The following TRIM42 variants were observed in gnomAD, a reference collection of about 807,000 sequenced individuals.
The protein encoded by TRIM42 is tripartite motif containing 42.
A neutral mutation model predicts 64.9 loss-of-function variants in TRIM42; 59 were observed. That is an observed-to-expected ratio of 0.91 (90% CI 0.74 to 1.13). The LOEUF (loss-of-function observed/expected upper bound fraction) is 1.13. Among genes scored for constraint, TRIM42 ranks in the 50% most tolerant of loss-of-function variants. The probability of loss-of-function intolerance (pLI) is 0.00; values close to 1 mark genes in which losing one functional copy is unlikely to be tolerated. For missense variants in TRIM42, 878 were observed against 929.5 expected (o/e 0.94, Z 0.72); for synonymous variants, 354 against 346.3 (o/e 1.02, Z -0.25).
rs1988635647 is a variant in TRIM42, at chr3:140,688,882, T to C, written c.1860+340T>C. Among the ~76,000 whole-genome samples, 4 of 152,232 alleles carry C rather than the reference T, an allele frequency of 2.6e-5. No homozygotes were observed. In the South Asian group the frequency reaches 8.3e-4, roughly 32 times the overall value. Reference sequence around the variant, plus strand: ...AAGACACTACTTGGCAGTGTAATGTTTCCCAAAGGAAAGCCTGTAATAGAG... The same window carrying C: ...AAGACACTACTTGGCAGTGTAATGTCTCCCAAAGGAAAGCCTGTAATAGAG... On this transcript the variant is annotated intron_variant, in intron 3 of 4. Transcript: ENST00000286349.
At position 140,678,470 on chromosome 3, in the gene TRIM42, A is replaced by G. The variant is rs933238114; in HGVS notation, c.241A>G (p.Thr81Ala). The G allele has an allele frequency of 1.2e-6, 2 of 1,614,070 alleles. No individual in the cohort carries two copies. The highest frequency in any genetic ancestry group is 1.7e-6 in the Non-Finnish European group (2 of 1,179,950). Reference sequence around the variant, plus strand: ...TGATCCCAACTGTAAGTGCTGCTGCACAGCCAGCAGCAATCTCAACTGCTA... The same window carrying G: ...TGATCCCAACTGTAAGTGCTGCTGCGCAGCCAGCAGCAATCTCAACTGCTA... ...ANDPNCKCCC[T>A]ASSNLNCYYY... is the part of the protein sequence containing the mutation. The change falls in exon 1 of 5, where the codon ACA becomes GCA. Residue 81 changes from threonine (T) to alanine (A), a missense_variant. Thr to Ala is a moderately conservative substitution (Grantham distance 58, BLOSUM62 0). Coordinates refer to ENST00000286349, the MANE Select transcript of TRIM42 (RefSeq NM_152616.5).
In TRIM42 at chr3:140,682,719, G is replaced by A. The variant is rs560540726; in HGVS notation, c.599G>A (p.Ser200Asn). Residue 200 changes from serine to asparagine, a missense_variant, in exon 2 of 5, where the codon AGC (serine) becomes AAC (asparagine). By Grantham distance (46) the Ser-to-Asn change is conservative (BLOSUM62 1). Coordinates refer to ENST00000286349, the MANE Select transcript of TRIM42 (RefSeq NM_152616.5). ...VCDRSHCMPY[S>N]NKMQLPENYL... ...GACCGCTCGCACTGCATGCCCTACA[G>A]CAACAAGATGCAGCTGCCCGAGAAC... 6.2e-7 allele frequency: 1 copy of A among 1,612,640 alleles called. No individual in the cohort carries two copies. The highest frequency in any genetic ancestry group is 1.1e-5 in the South Asian group (1 of 91,076).
At chr3:140,698,928 T>TAGGC (rs1488128307) in intron 4 of TRIM42, among the ~76,000 whole-genome samples, 1 of 152,200 alleles carries the variant, frequency 6.6e-6, no homozygotes, top group East Asian at 1.9e-4. Context: ...GTGGCAGTGT[T>TAGGC]AGTAGATATC....
At chr3:140,691,294 C>T in intron 4 of TRIM42, 102 bp downstream of exon 4, 1 of 982,388 alleles carries the variant, frequency 1.0e-6, no homozygotes, top group Non-Finnish European at 1.6e-6. Context: ...CACTATGGGA[C>T]TCTTCCTCTA....
At chr3:140,695,978 C>T (rs1294066648) in intron 4 of TRIM42, among the ~76,000 whole-genome samples, 2 of 152,186 alleles carry the variant, frequency 1.3e-5, no homozygotes, top group Admixed American at 6.5e-5. Flanking sequence ...AAGCAGAACC[C>T]TGTTGGTCCT....
rs754793652 is a variant in TRIM42 at position 140,678,356 on chromosome 3, C to T, written c.127C>T (p.Pro43Ser). 1 of 1,614,176 alleles carries T rather than the reference C, an allele frequency of 6.2e-7. No homozygotes were observed. The highest frequency in any genetic ancestry group is 1.1e-5 in the South Asian group (1 of 91,086). ...GCGGAACTGCACCTGCTTCCCCTGC[C>T]CTTACAAAGATGAGCGGAACTGCCA... ...SERNCTCFPCPYKDERNCQFC... is the reference protein window; with the variant it reads ...SERNCTCFPCSYKDERNCQFC... The change falls in exon 1 of 5, where the codon CCT becomes TCT. Residue 43 changes from proline (P) to serine (S), a missense_variant. Physicochemically the swap from Pro to Ser is moderately conservative, Grantham distance 74. Transcript: ENST00000286349.
intron 4 of TRIM42, among the ~76,000 whole-genome samples, chr3:140,692,530 TACACACACAC>T (rs1553763786): frequency 9.2e-6 from 1 of 108,442 alleles, no homozygotes; most frequent in East Asian, 2.7e-4. Context: ...CACATACACA[TACACACACAC>T]ACACACACAC....
Position 140,678,192 on chromosome 3 carries a change from A to G in TRIM42, c.-38A>G, listed in dbSNP as rs1393746982. On this transcript the variant is annotated 5_prime_UTR_variant, in exon 1 of 5. Coordinates refer to ENST00000286349, the MANE Select transcript of TRIM42 (RefSeq NM_152616.5). The stretch of plus-strand genomic sequence containing the variant: ...GCAGTATTCTGGTAGAGGAGGCATC[A>G]AGAGTCCTGGGAGGCCGGTGGTAAT... 1.3e-6 allele frequency: 2 copies of G among 1,564,758 alleles called. No individual in the cohort carries two copies. Among genetic ancestry groups the G allele is most frequent in the East Asian group, 2.2e-5 (1 of 44,486 alleles).
intron 3 of TRIM42, among the ~76,000 whole-genome samples, 199 bp from the exon 4 acceptor site, chr3:140,690,769 T>C (rs911856589): frequency 6.6e-6 from 1 of 151,912 alleles, no homozygotes; most frequent in Non-Finnish European, 1.5e-5. Context: ...TTTGTGAAAC[T>C]CATTACAACC....
At chr3:140,686,671 T>TC (rs1439196026) in intron 2 of TRIM42, among the ~76,000 whole-genome samples, 1 of 152,118 alleles carries the variant, frequency 6.6e-6, no homozygotes, top group African/African-American at 2.4e-5. Context: ...TAGCTAGTCA[T>TC]CCCCACTCCT....
At chr3:140,700,641 C>T (rs1988975917) in intron 4 of TRIM42, among the ~76,000 whole-genome samples, 1 of 152,210 alleles carries the variant, frequency 6.6e-6, no homozygotes, top group African/African-American at 2.4e-5. Flanking sequence ...ACATGAGCTA[C>T]CCTAAAGGGA....
chr3:140,683,168 C>G lies in TRIM42; in HGVS notation c.1039+9C>G. The G allele has an allele frequency of 1.2e-6, 2 of 1,613,040 alleles. No individual in the cohort carries two copies. The highest frequency in any genetic ancestry group is 1.7e-4 in the Middle Eastern group (1 of 6,060). ...CGCCAAGTTCAAAGCAGGTCCTCCC[C>G]TTTTCCACTCCTTCAGCCTAACTTC... On this transcript the variant is annotated intron_variant, in intron 2 of 4. Transcript: ENST00000286349.
At chr3:140,700,760 C>T in intron 4 of TRIM42, 128 bp from the exon 5 acceptor site, 1 of 768,698 alleles carries the variant, frequency 1.3e-6, no homozygotes, top group South Asian at 1.8e-5. Flanking sequence ...TAAAGTGGCA[C>T]CAACAGCCAC....
At position 140,683,157 on chromosome 3, in the gene TRIM42, C is replaced by A; in HGVS notation, c.1037C>A (p.Ala346Glu). 1 of 1,613,830 alleles carries A rather than the reference C, an allele frequency of 6.2e-7. No individual in the cohort carries two copies. Among genetic ancestry groups the A allele is most frequent in the Non-Finnish European group, 8.5e-7 (1 of 1,179,690 alleles). The change falls in exon 2 of 5, where the codon GCA (alanine) becomes GAA (glutamate). Residue 346 changes from alanine (A) to glutamate (E), a missense_variant and splice_region_variant. Ala to Glu is a moderately radical substitution (Grantham distance 107). Coordinates refer to ENST00000286349, the MANE Select transcript of TRIM42 (RefSeq NM_152616.5). ...SLFSAIAKFKAVRYEIDNDLM... is the reference protein window; with the variant it reads ...SLFSAIAKFKEVRYEIDNDLM... ...TTCAGCGCCATCGCCAAGTTCAAAG[C>A]AGGTCCTCCCCTTTTCCACTCCTTC...
chr3:140,687,886 G>T lies in TRIM42; in HGVS notation c.1204G>T (p.Glu402Ter). The T allele has an allele frequency of 1.2e-6, 2 of 1,614,190 alleles. No individual in the cohort carries two copies. The highest frequency in any genetic ancestry group is 1.7e-6 in the Non-Finnish European group (2 of 1,180,028). Reference sequence around the variant, plus strand: ...CATCATGGAGCAGATAGAGAATCTAGAAGTGTCCAGGCAGAAGGAAATTGA... The same window carrying T: ...CATCATGGAGCAGATAGAGAATCTATAAGTGTCCAGGCAGAAGGAAATTGA... ...KIIMEQIENLEVSRQKEIEKY... is the reference protein window; with the variant it reads ...KIIMEQIENL Residue 402 changes from glutamate (E) to a stop codon, truncating the protein, a stop_gained, in exon 3 of 5, where the codon GAA (glutamate) becomes TAA (stop). Transcript: ENST00000286349. LOFTEE classifies it high-confidence loss of function.
chr3:140,692,762 C>A (rs1194533904), intron 4 of TRIM42, among the ~76,000 whole-genome samples: 1 of 152,210 alleles, frequency 6.6e-6, no homozygotes, highest in African/African-American at 2.4e-5. Flanking sequence ...CCGCATGTCT[C>A]TTGACTATGG....
At position 140,690,978 on chromosome 3, in the gene TRIM42, C is replaced by T. The variant is rs1278077696; in HGVS notation, c.1871C>T (p.Thr624Ile). 6.2e-7 allele frequency: 1 copy of T among 1,612,976 alleles called. No individual in the cohort carries two copies. The highest frequency in any genetic ancestry group is 1.7e-5 in the Admixed American group (1 of 60,018). The change falls in exon 4 of 5, where the codon ACA (threonine) becomes ATA (isoleucine). Residue 624 changes from threonine (T) to isoleucine (I), a missense_variant. By Grantham distance (89) the Thr-to-Ile change is moderately conservative. Coordinates refer to ENST00000286349, the MANE Select transcript of TRIM42 (RefSeq NM_152616.5). ...TCATTTCTTCCATAGGTTTACTGGA[C>T]ATGTCCAGCAGAAGACGTGGACTCT... ...VYPRAAKVYW[T>I]CPAEDVDSFE...
At position 140,688,317 on chromosome 3, in the gene TRIM42, T is replaced by C; in HGVS notation, c.1635T>C (p.Thr545=). 1 of 1,614,148 alleles carries C rather than the reference T, an allele frequency of 6.2e-7. No homozygotes were observed. Among genetic ancestry groups the C allele is most frequent in the Non-Finnish European group, 8.5e-7 (1 of 1,180,018 alleles). ...CCTCCATGTTGTCCTTCAGCAACAC[T>C]GACAAGAAGGCCAAGGTGGGTCTGG... ...RSSSMLSFSN[T]DKKAKVGLEA... The change falls in exon 3 of 5, where the codon ACT becomes ACC. Residue 545 remains threonine, a synonymous_variant. Coordinates refer to ENST00000286349, the MANE Select transcript of TRIM42 (RefSeq NM_152616.5).
At position 140,700,873 on chromosome 3, in the gene TRIM42, C is replaced by T. The variant is rs1540506; in HGVS notation, c.2086-15C>T. 1,073,682 of 1,612,770 alleles carry T rather than the reference C, an allele frequency of 0.67. 364,664 individuals are homozygous for T. The highest frequency in any genetic ancestry group is 0.71 in the Non-Finnish European group (831,892 of 1,179,140). On this transcript the variant is annotated splice_polypyrimidine_tract_variant and intron_variant, in intron 4 of 4. Coordinates refer to ENST00000286349, the MANE Select transcript of TRIM42 (RefSeq NM_152616.5). ...TTGTCTATTGGGTGTCATGACTCTT[C>T]GCTTCTGATTGCAGGTGGTAACACC... is the stretch of plus-strand genomic sequence containing the variant.
Sources: allele counts gnomAD v4.1 joint callset (sites outside exome capture counted in the v4.1 genomes callset), GRCh38; gene constraint gnomAD v4.1.1; transcripts MANE v1.5; gene names NCBI Gene and HGNC (gene_info 2026-07-23, HGNC 2026-07-21).